The following AMZ1 variants were observed in gnomAD, a reference collection of about 807,000 sequenced individuals.
AMZ1 encodes archaemetzincin-1.
Under a neutral mutation model 29.9 loss-of-function variants are expected in AMZ1, and 39 were observed. The observed-to-expected ratio is 1.30, with a 90% CI of 1.01 to 1.70. The LOEUF (loss-of-function observed/expected upper bound fraction) is 1.70, where lower values mean the gene tolerates loss of function less well. Among genes scored for constraint, AMZ1 ranks in the 40% most tolerant of loss-of-function variants. AMZ1 has a pLI of 0.00. For missense variants in AMZ1, 1,041 were observed against 680.6 expected, an observed-to-expected ratio of 1.53 and a Z score of -5.89; for synonymous variants, 458 against 304.0, an observed-to-expected ratio of 1.51 and a Z score of -5.27.
At chr7:2,743,653 C>T (rs910850662) in intron 4 of AMZ1, among the ~76,000 whole-genome samples, 9 of 152,120 alleles carry the variant, frequency 5.9e-5, no homozygotes, top group African/African-American at 1.9e-4. Context: ...ACTGAGGTAC[C>T]GGGTTCATCT....
chr7:2,709,809 G>GT lies in AMZ1; in HGVS notation c.941_942insT (p.Arg314SerfsTer42), dbSNP rs1562373481. ...GTCCTGGGTTTCAGGCTCATCGAGAGGTACCAGGTGAGTGGCTGAGTTGCG... is the reference window on the plus strand; with the variant it reads ...GTCCTGGGTTTCAGGCTCATCGAGAGTGTACCAGGTGAGTGGCTGAGTTGCG... On this transcript the variant is annotated frameshift_variant, in exon 6 of 7. Coordinates refer to ENST00000683327, the MANE Select transcript of AMZ1 (RefSeq NM_001384743.1). LOFTEE classifies it low-confidence loss of function (END_TRUNC). 1.2e-6 allele frequency: 2 copies of GT among 1,611,948 alleles called. No individual in the cohort carries two copies. The highest frequency in any genetic ancestry group is 1.7e-6 in the Non-Finnish European group (2 of 1,179,768).
chr7:2,731,142 G>A lies in AMZ1; in HGVS notation n.550+21326G>A, dbSNP rs1478932435. The A allele has an allele frequency of 1.4e-6, 2 of 1,401,406 alleles. No homozygotes were observed. Among genetic ancestry groups the A allele is most frequent in the Non-Finnish European group, 2.0e-6 (2 of 1,004,092 alleles). The allele number at this position is 1,401,406 out of a possible 1,614,324, so 86.8% of individuals were successfully genotyped here. A position where few individuals can be genotyped will look rare whatever the true frequency, so the allele number is the denominator to read the frequency against. On this transcript the variant is annotated intron_variant and non_coding_transcript_variant, in intron 4 of 4. Transcript: ENST00000489665. This position sits in a 1 kb window ranked among gnomAD's most constrained non-coding sequence, Gnocchi z 6.0. ...CCCAAGAGTCTGACCGACAGCCGTGGGGGCTGCTCAACGACGACAAACCCC... is the reference window on the plus strand; with the variant it reads ...CCCAAGAGTCTGACCGACAGCCGTGAGGGCTGCTCAACGACGACAAACCCC...
intron 1 of AMZ1, among the ~76,000 whole-genome samples, chr7:2,696,855 C>T (rs1787777631): frequency 6.6e-6 from 1 of 152,142 alleles, no homozygotes; most frequent in African/African-American, 2.4e-5. Context: ...TACTGCACTC[C>T]AGCCTGGGGT....
intron 4 of AMZ1, among the ~76,000 whole-genome samples, chr7:2,742,692 G>A (rs920242366): frequency 6.6e-6 from 1 of 152,162 alleles, no homozygotes; most frequent in African/African-American, 2.4e-5. Context: ...TTTTGAATGA[G>A]GCCTTTAATT....
chr7:2,687,325 TAA>T (rs753707619), upstream of AMZ1, among the ~76,000 whole-genome samples: 6 of 142,892 alleles, frequency 4.2e-5, no homozygotes, highest in Non-Finnish European at 3.1e-5. Context: ...AGACTCCATC[TAA>T]AAAAAAAAAA....
chr7:2,741,479 GA>G (rs1234887100), intron 4 of AMZ1, among the ~76,000 whole-genome samples: 1 of 152,176 alleles, frequency 6.6e-6, no homozygotes, highest in Non-Finnish European at 1.5e-5. Context: ...GTCACAGTTG[GA>G]CTGCCTGTTA....
rs776114633 is a variant in AMZ1 at position 2,717,808 on chromosome 7, G to T, written c.*4930G>T. On this transcript the variant is annotated 3_prime_UTR_variant, in exon 7 of 7. Transcript: ENST00000683327. ...GAATGGAGGTTTATTTTTGAACTCA[G>T]CTTCTTGGGTAGGGAGGCAAATGAA... Among the ~76,000 whole-genome samples the T allele has an allele frequency of 5.9e-5, 9 of 152,330 alleles. No individual in the cohort carries two copies. Among genetic ancestry groups the T allele is most frequent in the Admixed American group, 5.9e-4 (9 of 15,306 alleles).
intron 1 of AMZ1, among the ~76,000 whole-genome samples, chr7:2,693,882 T>C (rs1291569265): frequency 6.6e-6 from 1 of 152,228 alleles, no homozygotes; most frequent in East Asian, 1.9e-4. Context: ...ACAGGACCTG[T>C]CACCTTCTAA....
upstream of AMZ1, among the ~76,000 whole-genome samples, chr7:2,761,572 C>T (rs1455035587): frequency 2.6e-5 from 4 of 152,302 alleles, no homozygotes; most frequent in Admixed American, 6.5e-5. Flanking sequence ...CCTCATCTAC[C>T]GAATTCCTAG....
chr7:2,680,196 G>A (rs867985692), intron 1 of AMZ1, among the ~76,000 whole-genome samples: 7 of 152,282 alleles, frequency 4.6e-5, no homozygotes, highest in East Asian at 1.9e-4. Context: ...GCAGGGCTGG[G>A]ATGATGTGGT....
Position 2,709,832 on chromosome 7 carries a change from G to A in AMZ1, c.948+16G>A, listed in dbSNP as rs780204115. The A allele has an allele frequency of 6.8e-6, 11 of 1,610,072 alleles. No homozygotes were observed. In the Admixed American group the frequency reaches 1.0e-4, roughly 15 times the overall value. On this transcript the variant is annotated intron_variant, in intron 6 of 6. Coordinates refer to ENST00000683327, the MANE Select transcript of AMZ1 (RefSeq NM_001384743.1). ...GAGGTACCAGGTGAGTGGCTGAGTT[G>A]CGCTGCCCGGCTGCTGGGACCTGCG...
intron 6 of AMZ1, among the ~76,000 whole-genome samples, chr7:2,712,114 T>G (rs368706473): frequency 6.6e-6 from 1 of 152,196 alleles, no homozygotes; most frequent in African/African-American, 2.4e-5. Context: ...TCCTGAATGG[T>G]GAGCTCTTGG....
chr7:2,708,868 T>G, intron 4 of AMZ1, 152 bp downstream of exon 4: 1 of 1,359,568 alleles, frequency 7.4e-7, no homozygotes, highest in African/African-American at 1.4e-5. Context: ...CCCTTCCAGC[T>G]CCTCCTGAGG....
At chr7:2,724,356 G>A (rs529582963), downstream of AMZ1, among the ~76,000 whole-genome samples, 1 of 152,348 alleles carries the variant, frequency 6.6e-6, no homozygotes, top group East Asian at 1.9e-4. Context: ...ACAAATAGGT[G>A]GGGTTACGTT....
At chr7:2,749,480 G>A (rs1013466661) in intron 4 of AMZ1, among the ~76,000 whole-genome samples, 1 of 145,116 alleles carries the variant, frequency 6.9e-6, no homozygotes, top group African/African-American at 2.5e-5. Context: ...ATGGACACGG[G>A]AAGGGGAACA....
At chr7:2,692,505 G>A (rs949625201) in intron 1 of AMZ1, among the ~76,000 whole-genome samples, 1 of 152,176 alleles carries the variant, frequency 6.6e-6, no homozygotes, top group Non-Finnish European at 1.5e-5. Context: ...TTGTGCCACT[G>A]CACTCCAGCC....
intron 1 of AMZ1, among the ~76,000 whole-genome samples, chr7:2,698,777 A>C (rs989452219): frequency 6.6e-6 from 1 of 152,208 alleles, no homozygotes; most frequent in African/African-American, 2.4e-5. Context: ...TGGAGGCTGC[A>C]GTGAGCTATG....
intron 4 of AMZ1, among the ~76,000 whole-genome samples, chr7:2,737,269 GTTTTGTTTTTTTTTTTTTTGTTTTTTTT>G (rs1441549956): frequency 1.0e-4 from 4 of 38,128 alleles, no homozygotes; most frequent in African/African-American, 3.7e-4. Context: ...TCACAGTTTT[GTTTTGTTTTTTTTTTTTTTGTTTTTTTT>G]TTTTTTTTTG....
At chr7:2,694,728 A>G (rs542526516) in intron 1 of AMZ1, among the ~76,000 whole-genome samples, 120 of 151,550 alleles carry the variant, frequency 7.9e-4, no homozygotes, top group Non-Finnish European at 1.5e-3. Context: ...GCTGGAGTGC[A>G]GTGGCGCGAT....
Sources: gnomAD v4.1 joint callset for allele counts (sites outside exome capture counted in the v4.1 genomes callset) on GRCh38, gnomAD v4.1.1 for gene constraint, Gnocchi (gnomAD v3.1) non-coding constraint, MANE v1.5 for transcripts, NCBI Gene and HGNC (gene_info 2026-07-23, HGNC 2026-07-21) for gene names.